IL5RA: variants seen among roughly 807,000 people sequenced by gnomAD.
IL5RA encodes interleukin 5 receptor subunit alpha, also known as interleukin-5 receptor subunit alpha.
Under a neutral mutation model 50.0 loss-of-function variants are expected in IL5RA, and 49 were observed. The ratio of observed to expected loss-of-function variants is 0.98; its 90% CI spans 0.78 to 1.24. The LOEUF (loss-of-function observed/expected upper bound fraction) is 1.24. Ranked by LOEUF, IL5RA falls within the 50% of genes most tolerant of loss-of-function variation. The pLI is 0.00. For synonymous variants in IL5RA, 202 were observed against 174.0 expected, an observed-to-expected ratio of 1.16 and a Z score of -1.26; for missense variants, 600 against 500.4, an observed-to-expected ratio of 1.20 and a Z score of -1.90.
Position 3,101,685 on chromosome 3 carries a change from G to A in IL5RA, c.367+7C>T. The A allele has an allele frequency of 2.5e-6, 4 of 1,611,738 alleles. No individual in the cohort carries two copies. Among genetic ancestry groups the A allele is most frequent in the Non-Finnish European group, 3.4e-6 (4 of 1,179,440 alleles). ...ATACAAACTGGACTTTTGGAGGCCT[G>A]CTTTACCTGGTGGGGCATGAAGTTC... On this transcript the variant is annotated splice_region_variant and intron_variant, in intron 5 of 11. Coordinates refer to ENST00000446632, the MANE Select transcript of IL5RA (RefSeq NM_175726.4).
intron 4 of IL5RA, among the ~76,000 whole-genome samples, 161 bp downstream of exon 4, chr3:3,102,514 A>C (rs1419915873): frequency 6.6e-6 from 1 of 152,262 alleles, no homozygotes; most frequent in East Asian, 1.9e-4. Flanking sequence ...ACCCGGCGCT[A>C]GCTCACAGGC....
Position 3,076,519 on chromosome 3 carries a change from A to G in IL5RA, c.1091+12T>C. On this transcript the variant is annotated intron_variant, in intron 10 of 11. Transcript: ENST00000446632. ...ACCCCACTGCAAGCACGCAAATGTAAAGAACACTTACATTTTACAGATAAG... is the reference window on the plus strand; with the variant it reads ...ACCCCACTGCAAGCACGCAAATGTAGAGAACACTTACATTTTACAGATAAG... The G allele has an allele frequency of 6.4e-7, 1 of 1,565,224 alleles. No homozygotes were observed. The highest frequency in any genetic ancestry group is 8.8e-7 in the Non-Finnish European group (1 of 1,137,044).
Position 3,108,583 on chromosome 3 carries a change from A to G in IL5RA, c.-37T>C, listed in dbSNP as rs11713419. On this transcript the variant is annotated 5_prime_UTR_variant, in exon 2 of 12. Coordinates refer to ENST00000446632, the MANE Select transcript of IL5RA (RefSeq NM_175726.4). Reference sequence around the variant, plus strand: ...AGACGATCCTCTTGTTCCGACCAGTACTCAACAGAAGATGGCGAGGACCGT... The same window carrying G: ...AGACGATCCTCTTGTTCCGACCAGTGCTCAACAGAAGATGGCGAGGACCGT... 0.19 allele frequency: 28,842 copies of G among 152,196 alleles called. 2,994 individuals carry two copies. The highest frequency in any genetic ancestry group is 0.28 in the African/African-American group (11,659 of 41,516). 9.4% of individuals were successfully genotyped at this position (152,196 alleles called of 1,614,324 possible). A position where few individuals can be genotyped will look rare whatever the true frequency, so the allele number is the denominator to read the frequency against.
At chr3:3,094,682 A>G (rs1257173276) in intron 8 of IL5RA, among the ~76,000 whole-genome samples, 5 of 152,090 alleles carry the variant, frequency 3.3e-5, no homozygotes, top group African/African-American at 9.7e-5. Flanking sequence ...AGAATTCATC[A>G]TATCGTTTTT....
chr3:3,096,875 G>A (rs1703390536), intron 7 of IL5RA, among the ~76,000 whole-genome samples: 1 of 152,128 alleles, frequency 6.6e-6, no homozygotes, highest in African/African-American at 2.4e-5. Context: ...TTTATGCCAG[G>A]CACTGTTCTA....
At position 3,092,050 on chromosome 3, in the gene IL5RA, C is replaced by T. The variant is rs1217001304; in HGVS notation, c.994+174G>A. 2 of 1,371,488 alleles carry T rather than the reference C, an allele frequency of 1.5e-6. No homozygotes were observed. Among genetic ancestry groups the T allele is most frequent in the East Asian group, 5.4e-5 (2 of 37,006 alleles). 85.0% of individuals were successfully genotyped at this position (1,371,488 alleles called of 1,614,324 possible). A position where few individuals can be genotyped will look rare whatever the true frequency, so the allele number is the denominator to read the frequency against. ...GAAGCCTAGACACTTAAAAACTTCA[C>T]TGGCTTCATGGCAAATCTATTCCTG... is the stretch of plus-strand genomic sequence containing the variant. On this transcript the variant is annotated intron_variant, in intron 9 of 11. Coordinates refer to ENST00000446632, the MANE Select transcript of IL5RA (RefSeq NM_175726.4). This position sits in a 1 kb window ranked among gnomAD's most constrained non-coding sequence, Gnocchi z 4.2.
chr3:3,103,356 C>T (rs1367488913), intron 3 of IL5RA, among the ~76,000 whole-genome samples: 1 of 152,030 alleles, frequency 6.6e-6, no homozygotes, highest in Non-Finnish European at 1.5e-5. Flanking sequence ...GCAATAATAA[C>T]AATGTATTGG....
intron 2 of IL5RA, among the ~76,000 whole-genome samples, chr3:3,106,948 T>C (rs1703951823): frequency 1.3e-5 from 2 of 152,172 alleles, no homozygotes; most frequent in Admixed American, 1.3e-4. Flanking sequence ...AATTAAATTG[T>C]TGAAGTAAAT....
In IL5RA at chr3:3,076,530, C is replaced by T. The variant is rs373242618; in HGVS notation, c.1091+1G>A. The T allele has an allele frequency of 9.4e-6, 15 of 1,594,132 alleles. No individual in the cohort carries two copies. The highest frequency in any genetic ancestry group is 1.3e-5 in the Non-Finnish European group (15 of 1,162,974). The stretch of plus-strand genomic sequence containing the variant: ...AGCACGCAAATGTAAAGAACACTTA[C>T]ATTTTACAGATAAGCGAGAGAATTA... On this transcript the variant is annotated splice_donor_variant, in intron 10 of 11. Coordinates refer to ENST00000446632, the MANE Select transcript of IL5RA (RefSeq NM_175726.4). LOFTEE classifies it high-confidence loss of function.
In IL5RA at chr3:3,090,160, A is replaced by T. The variant is rs372390104; in HGVS notation, c.994+2064T>A. 3,954 of 1,578,744 alleles carry T rather than the reference A, an allele frequency of 2.5e-3. 125 individuals carry two copies. The South Asian group carries it at 0.041, about 16-fold the overall frequency. The stretch of plus-strand genomic sequence containing the variant: ...GTGCTTGGCAAAATAAATAAAAATT[A>T]AAAAACACATGTAATCTGCTATCCC... On this transcript the variant is annotated intron_variant, in intron 9 of 11. Transcript: ENST00000446632.
At chr3:3,107,004 A>G (rs1334155703) in intron 2 of IL5RA, among the ~76,000 whole-genome samples, 1 of 152,206 alleles carries the variant, frequency 6.6e-6, no homozygotes, top group Non-Finnish European at 1.5e-5. Flanking sequence ...TGAATATTTT[A>G]TATGAGCAAG....
chr3:3,092,029 C>T lies in IL5RA; in HGVS notation c.994+195G>A. ...TAGGAGAGTTGGCGCTAATGAGAAG[C>T]CTAGACACTTAAAAACTTCACTGGC... On this transcript the variant is annotated intron_variant, in intron 9 of 11. Transcript: ENST00000446632. This position sits in a 1 kb window ranked among gnomAD's most constrained non-coding sequence, Gnocchi z 4.2. 7.4e-7 allele frequency: 1 copy of T among 1,356,180 alleles called. No individual in the cohort carries two copies. The highest frequency in any genetic ancestry group is 2.0e-5 in the South Asian group (1 of 48,802). 84.0% of individuals were successfully genotyped at this position (1,356,180 alleles called of 1,614,324 possible).
intron 9 of IL5RA, among the ~76,000 whole-genome samples, chr3:3,081,878 C>A (rs1205637657): frequency 3.3e-5 from 5 of 152,118 alleles, no homozygotes; most frequent in Non-Finnish European, 1.5e-5. Flanking sequence ...CTCCAGTTGC[C>A]CCAAATGCAT....
intron 9 of IL5RA, chr3:3,089,973 C>G: frequency 8.9e-6 from 4 of 451,858 alleles, no homozygotes. Context: ...AGAATCCTGT[C>G]CCACCATGCC....
rs564045544 is a variant in IL5RA, at chr3:3,077,289, T to G, written c.995-662A>C. 3.7e-4 allele frequency among the ~76,000 whole-genome samples: 57 copies of G among 152,358 alleles called. 1 individual carries two copies. The highest frequency in any genetic ancestry group is 2.6e-3 in the Admixed American group (40 of 15,306). ...TTGAATCTACATTTAAGGGACAGAT[T>G]CTTCTAGGAACTTCTTTTTTTTATT... On this transcript the variant is annotated intron_variant, in intron 9 of 11. Coordinates refer to ENST00000446632, the MANE Select transcript of IL5RA (RefSeq NM_175726.4).
At chr3:3,071,581 G>GTGTA (rs1356746893) in intron 11 of IL5RA, among the ~76,000 whole-genome samples, 2 of 84,648 alleles carry the variant, frequency 2.4e-5, no homozygotes, top group East Asian at 5.5e-4. Context: ...GTGTGTGTGT[G>GTGTA]TGTGTGTGTG....
In IL5RA at chr3:3,086,321, C is replaced by T. The variant is rs1702861055; in HGVS notation, c.994+5903G>A. On this transcript the variant is annotated intron_variant, in intron 9 of 11. Transcript: ENST00000446632. ...GGCGGGAAGAAGAGAAGATGATGGA[C>T]TTGAGAAAACACACAGCTTCATGAA... Among the ~76,000 whole-genome samples the T allele has an allele frequency of 2.0e-5, 3 of 152,258 alleles. No individual in the cohort carries two copies. In the East Asian group the frequency reaches 5.8e-4, roughly 29 times the overall value.
At chr3:3,078,943 G>A (rs1393237882) in intron 9 of IL5RA, among the ~76,000 whole-genome samples, 5 of 151,864 alleles carry the variant, frequency 3.3e-5, no homozygotes, top group South Asian at 2.1e-4. Context: ...TTCAAAAGAC[G>A]CTTGGTTTCT....
chr3:3,095,252 TA>T, intron 8 of IL5RA, 46 bp downstream of exon 8: 1 of 1,471,450 alleles, frequency 6.8e-7, no homozygotes, highest in South Asian at 1.2e-5. Flanking sequence ...TAAATGTTTC[TA>T]AAACAAATGT....
Sources: allele counts gnomAD v4.1 joint callset (sites outside exome capture counted in the v4.1 genomes callset), GRCh38; gene constraint gnomAD v4.1.1; non-coding constraint Gnocchi (gnomAD v3.1); transcripts MANE v1.5; gene names NCBI Gene and HGNC (gene_info 2026-07-23, HGNC 2026-07-21).